Variants in TRPC4AP observed in about 807,000 individuals in gnomAD.
The protein encoded by TRPC4AP is transient receptor potential cation channel subfamily C member 4 associated protein.
TRPC4AP carries 45 observed loss-of-function variants against 99.0 expected under a neutral mutation model. The observed-to-expected ratio is 0.45, with a 90% CI of 0.36 to 0.58. The LOEUF is 0.58. Among genes scored for constraint, TRPC4AP ranks in the 20% least tolerant of loss-of-function variants. TRPC4AP has a pLI of 0.00. For synonymous variants in TRPC4AP, 408 were observed against 385.8 expected (o/e 1.06, Z -0.67); for missense variants, 879 against 985.3 (o/e 0.89, Z 1.44).
intron 7 of TRPC4AP, among the ~76,000 whole-genome samples, chr20:35,040,749 G>C (rs764081620): frequency 6.6e-6 from 1 of 152,106 alleles, no homozygotes; most frequent in Non-Finnish European, 1.5e-5. Flanking sequence ...GATTACAGGC[G>C]TGTCACCATG....
chr20:35,009,043 T>G (rs1331652841), intron 12 of TRPC4AP, among the ~76,000 whole-genome samples: 2 of 152,174 alleles, frequency 1.3e-5, no homozygotes, highest in Non-Finnish European at 2.9e-5. Context: ...AAAAGTGTGT[T>G]GAAACAGGTC....
At position 35,019,672 on chromosome 20, in the gene TRPC4AP, G is replaced by A. The variant is rs1276434835; in HGVS notation, c.1218+1518C>T. Reference sequence around the variant, plus strand: ...ATTTCACATATAAGCAACTGCGAAAGTGCCTCAAAAAAGTAATAGCACTCA... The same window carrying A: ...ATTTCACATATAAGCAACTGCGAAAATGCCTCAAAAAAGTAATAGCACTCA... On this transcript the variant is annotated intron_variant, in intron 9 of 18. Transcript: ENST00000252015. Among the ~76,000 whole-genome samples the A allele has an allele frequency of 2.0e-5, 3 of 152,160 alleles. No homozygotes were observed. The South Asian group carries it at 6.2e-4, about 32-fold the overall frequency.
At chr20:35,044,461 C>A in intron 7 of TRPC4AP, 44 bp downstream of exon 7, 1 of 1,569,382 alleles carries the variant, frequency 6.4e-7, no homozygotes, top group Middle Eastern at 1.7e-4. Flanking sequence ...TAGTAAGGGC[C>A]TCAGAGCTAT....
In TRPC4AP at chr20:35,092,606, C is replaced by T; in HGVS notation, c.168+8G>A. ...CCCCGCCCCGCCCCTCCTGGTCCAG[C>T]CTCGTACCTGCACCGCCCGGACCAG... is the stretch of plus-strand genomic sequence containing the variant. On this transcript the variant is annotated splice_region_variant and intron_variant, in intron 1 of 18. Coordinates refer to ENST00000252015, the MANE Select transcript of TRPC4AP (RefSeq NM_015638.3). 6.7e-7 allele frequency: 1 copy of T among 1,499,576 alleles called. No homozygotes were observed. Among genetic ancestry groups the T allele is most frequent in the Non-Finnish European group, 8.8e-7 (1 of 1,132,616 alleles). 92.9% of individuals were successfully genotyped at this position (1,499,576 alleles called of 1,614,324 possible).
chr20:35,044,197 C>T (rs1431228044), intron 7 of TRPC4AP, among the ~76,000 whole-genome samples: 1 of 151,772 alleles, frequency 6.6e-6, no homozygotes, highest in East Asian at 1.9e-4. Flanking sequence ...TCAAGACCAG[C>T]CTGGGCAACA....
At chr20:35,042,877 A>C (rs990720367) in intron 7 of TRPC4AP, among the ~76,000 whole-genome samples, 4 of 152,196 alleles carry the variant, frequency 2.6e-5, no homozygotes, top group African/African-American at 9.7e-5. Flanking sequence ...CAATATATGA[A>C]AGTATACAGT....
intron 2 of TRPC4AP, among the ~76,000 whole-genome samples, chr20:35,076,887 C>G (rs935364912): frequency 7.7e-4 from 117 of 152,290 alleles, no homozygotes; most frequent in Non-Finnish European, 1.4e-3. Context: ...GCAGGCAGGT[C>G]TCCTTGAGCT....
chr20:35,084,509 TAC>T (rs2084750599), intron 1 of TRPC4AP, among the ~76,000 whole-genome samples: 5 of 147,184 alleles, frequency 3.4e-5, no homozygotes, highest in Middle Eastern at 3.6e-3. Context: ...TATATGTATA[TAC>T]GTATATATGT....
intron 4 of TRPC4AP, among the ~76,000 whole-genome samples, chr20:35,055,476 A>G (rs559640978): frequency 1.3e-5 from 2 of 152,306 alleles, no homozygotes; most frequent in South Asian, 4.1e-4. Flanking sequence ...ACATTTTCAA[A>G]AGTAGAACTA....
At position 35,004,584 on chromosome 20, in the gene TRPC4AP, CA is replaced by C. The variant is rs774362613; in HGVS notation, c.1937-15del. The C allele has an allele frequency of 1.2e-6, 2 of 1,610,340 alleles. No individual in the cohort carries two copies. The highest frequency in any genetic ancestry group is 1.7e-5 in the Admixed American group (1 of 59,716). On this transcript the variant is annotated splice_polypyrimidine_tract_variant and intron_variant, in intron 16 of 18. Transcript: ENST00000252015. ...GTACCTCGGCAACTGTGGAGGGAGG[CA>C]GGGGTGCAGCAGGTCAGGCTTAGGC...
rs117057422 is a variant in TRPC4AP, at chr20:35,070,884, T to C, written c.298-1472A>G. Among the ~76,000 whole-genome samples, 5 of 152,298 alleles carry C rather than the reference T, an allele frequency of 3.3e-5. No homozygotes were observed. In the East Asian group the frequency reaches 9.6e-4, roughly 29 times the overall value. ...ACAAAGCTAAGAGGAAAAAAAATCTTACAAGAAAACCTAAAACATAGTAAG... is the reference window on the plus strand; with the variant it reads ...ACAAAGCTAAGAGGAAAAAAAATCTCACAAGAAAACCTAAAACATAGTAAG... On this transcript the variant is annotated intron_variant, in intron 2 of 18. Transcript: ENST00000252015.
intron 7 of TRPC4AP, 21 bp from the exon 8 acceptor site, chr20:35,035,329 G>GA: frequency 6.2e-7 from 1 of 1,606,738 alleles, no homozygotes; most frequent in Middle Eastern, 1.7e-4. Flanking sequence ...AAGAACAAGC[G>GA]AGGAAATTTT....
Position 35,010,224 on chromosome 20 carries a change from T to C in TRPC4AP, c.1474A>G (p.Asn492Asp), listed in dbSNP as rs1270002549. The C allele has an allele frequency of 1.2e-6, 2 of 1,614,196 alleles. No individual in the cohort carries two copies. Among genetic ancestry groups the C allele is most frequent in the Non-Finnish European group, 1.7e-6 (2 of 1,180,030 alleles). ...NELSAISLKA[N>D]IPEVEAVLNT... The stretch of plus-strand genomic sequence containing the variant: ...AGGACAGCTTCCACCTCAGGGATGT[T>C]GGCCTTGAGAGAGATGGCACTGAGT... The change falls in exon 12 of 19, where the codon AAC becomes GAC. Residue 492 changes from asparagine (N) to aspartate (D), a missense_variant. Physicochemically the swap from Asn to Asp is conservative, Grantham distance 23. Coordinates refer to ENST00000252015, the MANE Select transcript of TRPC4AP (RefSeq NM_015638.3).
At chr20:35,008,614 C>T in intron 13 of TRPC4AP, 50 bp downstream of exon 13, 9 of 1,550,336 alleles carry the variant, frequency 5.8e-6, no homozygotes, top group Non-Finnish European at 8.0e-6. Context: ...CTGAGAAACA[C>T]CTGGCTCTGC....
chr20:35,028,271 C>T (rs561328799), intron 8 of TRPC4AP, among the ~76,000 whole-genome samples: 1 of 149,766 alleles, frequency 6.7e-6, no homozygotes, highest in East Asian at 2.0e-4. Flanking sequence ...TCTCGGCTCA[C>T]TGCAACCTCT....
intron 7 of TRPC4AP, among the ~76,000 whole-genome samples, chr20:35,035,674 G>A (rs895773817): frequency 1.2e-4 from 19 of 152,124 alleles, no homozygotes; most frequent in Non-Finnish European, 2.4e-4. Flanking sequence ...TGTGGTTTCT[G>A]TAACAGCAAA....
At position 35,002,999 on chromosome 20, in the gene TRPC4AP, C is replaced by T; in HGVS notation, c.*147G>A. On this transcript the variant is annotated 3_prime_UTR_variant, in exon 19 of 19. Transcript: ENST00000252015. ...TCAGACCCAGGGGGACCAAGGGCTT[C>T]TAGGACTTCCCTCCCACCAAGCCTG... The T allele has an allele frequency of 8.5e-7, 1 of 1,174,856 alleles. No homozygotes were observed. The allele number at this position is 1,174,856 out of a possible 1,614,324, so 72.8% of individuals were successfully genotyped here.
In TRPC4AP at chr20:35,005,675, A is replaced by G; in HGVS notation, c.1936+20T>C. On this transcript the variant is annotated intron_variant, in intron 16 of 18. Coordinates refer to ENST00000252015, the MANE Select transcript of TRPC4AP (RefSeq NM_015638.3). ...TTCTTACCCTGCATGACTTGCCTTG[A>G]CAGCCTGCCTTTCATGTACCTTTCA... 1 of 1,611,008 alleles carries G rather than the reference A, an allele frequency of 6.2e-7. No homozygotes were observed. The highest frequency in any genetic ancestry group is 8.5e-7 in the Non-Finnish European group (1 of 1,177,236).
Position 35,069,353 on chromosome 20 carries a change from A to G in TRPC4AP, c.357T>C (p.Leu119=). ...TATTTGGATAAGTGGTTTCTTGGGT[A>G]AGTTTCCTCTCTTCAGTAACAAATG... ...AMAFVTEERK[L]TQETTYPNTY... is the part of the protein sequence containing the mutation. Residue 119 remains leucine, a synonymous_variant, in exon 3 of 19, where the codon CTT becomes CTC. Coordinates refer to ENST00000252015, the MANE Select transcript of TRPC4AP (RefSeq NM_015638.3). 5 of 1,612,996 alleles carry G rather than the reference A, an allele frequency of 3.1e-6. No individual in the cohort carries two copies. The highest frequency in any genetic ancestry group is 4.2e-6 in the Non-Finnish European group (5 of 1,179,028).
Sources: gnomAD v4.1 joint callset for allele counts (sites outside exome capture counted in the v4.1 genomes callset) on GRCh38, gnomAD v4.1.1 for gene constraint, MANE v1.5 for transcripts, NCBI Gene and HGNC (gene_info 2026-07-23, HGNC 2026-07-21) for gene names.